Variants in ZFAT observed in about 807,000 individuals in gnomAD.
ZFAT encodes zinc finger and AT-hook domain containing, also known as zinc finger protein ZFAT.
ZFAT carries 64 observed loss-of-function variants against 117.7 expected under a neutral mutation model. The observed-to-expected ratio is 0.54, with a 90% CI of 0.44 to 0.67. ZFAT has a LOEUF of 0.67. ZFAT is among the 30% of genes least tolerant of loss of function. The probability of loss-of-function intolerance (pLI) is 0.00; values close to 1 mark genes in which losing one functional copy is unlikely to be tolerated. For missense variants in ZFAT, 1,433 were observed against 1,584.5 expected, an observed-to-expected ratio of 0.90 and a Z score of 1.62; for synonymous variants, 679 against 615.0, an observed-to-expected ratio of 1.10 and a Z score of -1.54.
chr8:134,671,301 A>G, intron 1 of ZFAT, among the ~76,000 whole-genome samples: 1 of 152,212 alleles, frequency 6.6e-6, no homozygotes, highest in East Asian at 1.9e-4. Flanking sequence ...ACACAACAAA[A>G]AAAGAGAATT....
At chr8:134,743,631 G>T in the ZFAT span, among the ~76,000 whole-genome samples, 1 of 152,216 alleles carries the variant, frequency 6.6e-6, no homozygotes, top group East Asian at 1.9e-4. Context: ...GAACAGCTAA[G>T]AAGTCTTTGT....
chr8:134,615,172 C>T (rs7819841), intron 3 of ZFAT, among the ~76,000 whole-genome samples: 9,825 of 152,100 alleles, frequency 0.065, 1,089 homozygotes, highest in African/African-American at 0.22. Flanking sequence ...GTGACTCTGG[C>T]AGCGGCTAAG....
intron 11 of ZFAT, chr8:134,564,997 C>G (rs1451797820): frequency 1.6e-6 from 2 of 1,273,992 alleles, no homozygotes; most frequent in African/African-American, 3.0e-5. Context: ...CTGCAGCAAT[C>G]CAGGATCTGA....
At chr8:134,576,396 G>A (rs1310731440) in intron 10 of ZFAT, among the ~76,000 whole-genome samples, 2 of 152,102 alleles carry the variant, frequency 1.3e-5, no homozygotes, top group African/African-American at 2.4e-5. Context: ...CCAGCCCAGT[G>A]ATAAGCAACA....
chr8:134,722,279 A>G, the ZFAT span, among the ~76,000 whole-genome samples: 1 of 152,352 alleles, frequency 6.6e-6, no homozygotes, highest in African/African-American at 2.4e-5. Context: ...GGGACAGCCT[A>G]GGCGAGAAAT....
Position 134,601,831 on chromosome 8 carries a change from C to G in ZFAT, c.1888G>C (p.Val630Leu). Residue 630 changes from valine (V) to leucine (L), a missense_variant, in exon 6 of 16, where the codon GTG becomes CTG. Physicochemically the swap from Val to Leu is conservative, Grantham distance 32. This residue lies in a region of ZFAT where 372 missense variants were observed against 355.6 expected (regional missense o/e 1.05). Transcript: ENST00000377838. ...GCCTTGGACAGCAGTAGTGTGATCA[C>G]TTCACCTTGCGTCTGGACTGAGCTT... ...HRSSVQTQGE[V>L]ITLLLSKAQS... 1 of 1,613,250 alleles carries G rather than the reference C, an allele frequency of 6.2e-7. No individual in the cohort carries two copies. The highest frequency in any genetic ancestry group is 1.1e-5 in the South Asian group (1 of 90,916).
At chr8:134,603,194 T>C (rs1448890134) in intron 5 of ZFAT, among the ~76,000 whole-genome samples, 1 of 151,996 alleles carries the variant, frequency 6.6e-6, no homozygotes, top group East Asian at 1.9e-4. Context: ...GATAGGAATA[T>C]GCACACCACA....
chr8:134,598,822 C>T (rs1354727797), intron 7 of ZFAT: 3 of 152,214 alleles, frequency 2.0e-5, no homozygotes, highest in African/African-American at 7.2e-5. Flanking sequence ...TGTTCTAAGA[C>T]ATTTACATCT....
At position 134,601,735 on chromosome 8, in the gene ZFAT, C is replaced by T; in HGVS notation, c.1984G>A (p.Val662Met). ...SPLGEGQNMA[V>M]LSAGDPDPSR... is the part of the protein sequence containing the mutation. ...GGATCTGGGTCACCAGCTGAAAGCA[C>T]AGCCATGTTCTGCCCTTCCCCTAGG... Residue 662 changes from valine (V) to methionine (M), a missense_variant, in exon 6 of 16, where the codon GTG becomes ATG. Val to Met is a conservative substitution (Grantham distance 21, BLOSUM62 1). Around this residue, in one of 5 missense-constraint regions of ZFAT, gnomAD observed 372 missense variants for 355.6 expected, o/e 1.05. Transcript: ENST00000377838. 1.2e-6 allele frequency: 2 copies of T among 1,613,020 alleles called. No individual in the cohort carries two copies. Among genetic ancestry groups the T allele is most frequent in the Non-Finnish European group, 8.5e-7 (1 of 1,179,318 alleles).
intron 11 of ZFAT, 27 bp from the exon 12 acceptor site, chr8:134,532,999 G>T: frequency 1.3e-6 from 2 of 1,582,106 alleles, no homozygotes; most frequent in Non-Finnish European, 1.7e-6. Context: ...GAGGGGTTAG[G>T]AAAGGTGAGC....
intron 15 of ZFAT, among the ~76,000 whole-genome samples, chr8:134,484,159 C>T (rs986525418): frequency 5.3e-5 from 8 of 152,136 alleles, no homozygotes; most frequent in East Asian, 1.9e-4. Context: ...AAGGGTGCCC[C>T]GAGGAGCCAG....
the ZFAT span, among the ~76,000 whole-genome samples, chr8:134,755,843 GAAAA>G: frequency 1.3e-3 from 183 of 135,760 alleles, 1 homozygote; most frequent in Admixed American, 0.011. Context: ...AAAAGAAAAA[GAAAA>G]AAAAAAGATA....
upstream of ZFAT, among the ~76,000 whole-genome samples, chr8:134,717,697 A>G (rs993316926): frequency 6.6e-6 from 1 of 150,970 alleles, no homozygotes; most frequent in African/African-American, 2.4e-5. Context: ...CATGTTAGCC[A>G]GGATGGTCTC....
intron 11 of ZFAT, among the ~76,000 whole-genome samples, chr8:134,563,292 T>A (rs962612118): frequency 3.3e-5 from 5 of 152,180 alleles, no homozygotes; most frequent in Non-Finnish European, 7.4e-5. Context: ...CATCCTTAGT[T>A]TCTCCAATTT....
chr8:134,779,062 T>C, the ZFAT span, among the ~76,000 whole-genome samples: 4 of 152,184 alleles, frequency 2.6e-5, no homozygotes, highest in African/African-American at 9.7e-5. Context: ...CAGGTTCCAC[T>C]ATAAGAAATA....
At chr8:134,732,763 C>G in the ZFAT span, among the ~76,000 whole-genome samples, 1 of 152,118 alleles carries the variant, frequency 6.6e-6, no homozygotes, top group Non-Finnish European at 1.5e-5. Context: ...GGGTAAAGCA[C>G]AACTATAGAG....
At chr8:134,755,409 CAAA>C in the ZFAT span, among the ~76,000 whole-genome samples, 7 of 55,310 alleles carry the variant, frequency 1.3e-4, no homozygotes, top group Admixed American at 3.9e-4. Context: ...GACTCTGTCT[CAAA>C]AAAAAAAAAA....
chr8:134,546,270 C>A (rs1053077648), intron 11 of ZFAT, among the ~76,000 whole-genome samples: 4 of 152,152 alleles, frequency 2.6e-5, no homozygotes, highest in African/African-American at 9.7e-5. Context: ...TCAAGTTACC[C>A]AGGTGGAGAG....
At chr8:134,723,610 C>G in the ZFAT span, 1 of 152,614 alleles carries the variant, frequency 6.6e-6, no homozygotes, top group South Asian at 2.1e-4. Flanking sequence ...TCCTGCCCTC[C>G]TGGTTTCCTG....
Sources: gnomAD v4.1 joint callset for allele counts (sites outside exome capture counted in the v4.1 genomes callset) on GRCh38, gnomAD v4.1.1 for gene constraint, gnomAD v4.1.1 regional missense constraint, MANE v1.5 for transcripts, NCBI Gene and HGNC (gene_info 2026-07-23, HGNC 2026-07-21) for gene names.